GLS: variants seen among roughly 807,000 people sequenced by gnomAD.
The protein encoded by GLS is glutaminase kidney isoform, mitochondrial.
A neutral mutation model predicts 86.7 loss-of-function variants in GLS; 36 were observed. The observed-to-expected ratio is 0.42, with a 90% CI of 0.32 to 0.55. GLS has a LOEUF of 0.55. Ranked by LOEUF, GLS falls within the 20% of genes least tolerant of loss-of-function variation. GLS has a pLI of 0.17. For synonymous variants in GLS, 317 were observed against 305.9 expected (o/e 1.04, Z -0.38); for missense variants, 528 against 833.4 (o/e 0.63, Z 4.51).
chr2:190,884,023 T>C (rs1033692303), intron 1 of GLS, among the ~76,000 whole-genome samples: 3 of 152,240 alleles, frequency 2.0e-5, no homozygotes, highest in African/African-American at 7.2e-5. Context: ...ATAGAAAAAT[T>C]TAATGATCTT....
At chr2:190,917,553 T>C (rs1203119166) in intron 7 of GLS, among the ~76,000 whole-genome samples, 2 of 152,212 alleles carry the variant, frequency 1.3e-5, no homozygotes, top group African/African-American at 2.4e-5. Context: ...TTCCAGAAGA[T>C]TTTCAGTTTA....
intron 17 of GLS, among the ~76,000 whole-genome samples, chr2:190,961,197 C>T (rs1183897110): frequency 2.0e-5 from 3 of 152,096 alleles, no homozygotes; most frequent in Non-Finnish European, 4.4e-5. Context: ...AATAGGTTTG[C>T]ACAGAATTCG....
At chr2:190,925,736 G>A (rs1689874801) in intron 11 of GLS, among the ~76,000 whole-genome samples, 1 of 152,036 alleles carries the variant, frequency 6.6e-6, no homozygotes, top group African/African-American at 2.4e-5. Context: ...CTTTTCATCG[G>A]CCCAATGTGA....
At chr2:190,961,812 G>T (rs535823926) in intron 17 of GLS, among the ~76,000 whole-genome samples, 5 of 150,770 alleles carry the variant, frequency 3.3e-5, no homozygotes, top group Admixed American at 2.7e-4. Context: ...AAAACCTTTC[G>T]TTTCCATATT....
Position 190,930,382 on chromosome 2 carries a change from A to G in GLS, c.1426-55A>G. The G allele has an allele frequency of 7.4e-7, 1 of 1,347,318 alleles. No individual in the cohort carries two copies. Among genetic ancestry groups the G allele is most frequent in the Non-Finnish European group, 1.1e-6 (1 of 940,040 alleles). 83.5% of individuals were successfully genotyped at this position (1,347,318 alleles called of 1,614,324 possible). A position where few individuals can be genotyped will look rare whatever the true frequency, so the allele number is the denominator to read the frequency against. On this transcript the variant is annotated intron_variant, in intron 12 of 17. Coordinates refer to ENST00000320717, the MANE Select transcript of GLS (RefSeq NM_014905.5). This position sits in a 1 kb window ranked among gnomAD's most constrained non-coding sequence, Gnocchi z 5.0. ...CCCAGTTTCCCTATTGTTGAACATA[A>G]CATTTCTTATTTTAAAATGTTTACC... is the stretch of plus-strand genomic sequence containing the variant.
intron 7 of GLS, among the ~76,000 whole-genome samples, chr2:190,911,844 G>A (rs922247514): frequency 1.3e-5 from 2 of 152,048 alleles, no homozygotes; most frequent in African/African-American, 4.8e-5. Context: ...GCTGATCCAT[G>A]GGTCCTAGTT....
In GLS at chr2:190,942,998, A is replaced by G. The variant is rs115811321; in HGVS notation, c.1651-10567A>G. On this transcript the variant is annotated intron_variant, in intron 14 of 17. Transcript: ENST00000320717. ...AAAGTGGGAGAAAAAGAAAAGAGTG[A>G]TATCTAAATCTAAAGAAAGAAGCTT... Among the ~76,000 whole-genome samples the G allele has an allele frequency of 2.7e-3, 418 of 152,326 alleles. 1 individual carries two copies. Among genetic ancestry groups the G allele is most frequent in the Middle Eastern group, 0.01 (3 of 294 alleles).
intron 7 of GLS, among the ~76,000 whole-genome samples, chr2:190,912,158 G>A (rs1461800580): frequency 6.6e-6 from 1 of 152,052 alleles, no homozygotes; most frequent in Non-Finnish European, 1.5e-5. Context: ...TACAACATAA[G>A]TGTGGTTCAG....
At chr2:190,922,814 T>C (rs1457198213) in intron 9 of GLS, among the ~76,000 whole-genome samples, 2 of 152,190 alleles carry the variant, frequency 1.3e-5, no homozygotes. Flanking sequence ...TCCTCTAATA[T>C]CAGCAGCCCT....
intron 5 of GLS, among the ~76,000 whole-genome samples, chr2:190,904,072 A>T (rs938124578): frequency 3.3e-5 from 5 of 151,092 alleles, no homozygotes; most frequent in African/African-American, 1.2e-4. Flanking sequence ...TTGCTCTGTT[A>T]TTTATCTGCA....
At chr2:190,958,905 G>A (rs1230204086) in intron 17 of GLS, among the ~76,000 whole-genome samples, 2 of 152,144 alleles carry the variant, frequency 1.3e-5, no homozygotes, top group Non-Finnish European at 2.9e-5. Flanking sequence ...ATTGACTTGG[G>A]GTGGAGAGTT....
In GLS at chr2:190,964,198, T is replaced by A. The variant is rs1691068083; in HGVS notation, c.*1212T>A. On this transcript the variant is annotated 3_prime_UTR_variant, in exon 18 of 18. Transcript: ENST00000320717. The surrounding 1 kb of genome is among the most constrained non-coding windows in gnomAD (Gnocchi z 5.2). ...TTTGTCTTGGGTTGGTAATTCAGGA[T>A]TCATTTGGAAAGTGGGTAAAAGGGG... is the stretch of plus-strand genomic sequence containing the variant. 6.6e-6 allele frequency: 1 copy of A among 152,174 alleles called. No individual in the cohort carries two copies. Among genetic ancestry groups the A allele is most frequent in the Non-Finnish European group, 1.5e-5 (1 of 68,032 alleles). 9.4% of individuals were successfully genotyped at this position (152,174 alleles called of 1,614,324 possible).
At chr2:190,933,786 A>G in intron 14 of GLS, 2 of 694,490 alleles carry the variant, frequency 2.9e-6, no homozygotes, top group Non-Finnish European at 3.5e-6. Context: ...AAATGCTAAT[A>G]TTTCTTTTGT....
chr2:190,909,813 G>A (rs1049395335), intron 6 of GLS, among the ~76,000 whole-genome samples: 2 of 152,132 alleles, frequency 1.3e-5, no homozygotes, highest in African/African-American at 2.4e-5. Flanking sequence ...AGGCCAAGGC[G>A]GGAGGATTGC....
chr2:190,950,532 G>A (rs1275710596), intron 14 of GLS, among the ~76,000 whole-genome samples: 1 of 152,200 alleles, frequency 6.6e-6, no homozygotes, highest in Non-Finnish European at 1.5e-5. Flanking sequence ...CCCATGGTCT[G>A]TATGGTGAAT....
intron 5 of GLS, among the ~76,000 whole-genome samples, chr2:190,903,661 G>A (rs1053298098): frequency 6.6e-6 from 1 of 151,964 alleles, no homozygotes; most frequent in Non-Finnish European, 1.5e-5. Flanking sequence ...TTTTTATCTA[G>A]AGAATTCAGA....
intron 17 of GLS, among the ~76,000 whole-genome samples, chr2:190,957,985 C>A (rs1450535420): frequency 6.6e-6 from 1 of 152,172 alleles, no homozygotes; most frequent in Non-Finnish European, 1.5e-5. Context: ...AGGAATGGTA[C>A]CAGCTCCTCT....
rs1404126218 is a variant in GLS, at chr2:190,955,277, C to T, written c.1853+459C>T. 6.6e-6 allele frequency among the ~76,000 whole-genome samples: 1 copy of T among 152,150 alleles called. No individual in the cohort carries two copies. Among genetic ancestry groups the T allele is most frequent in the African/African-American group, 2.4e-5 (1 of 41,436 alleles). Reference sequence around the variant, plus strand: ...GTATTTCTTCTAATGCGATCCCTCCCTTACCCTGACCCCCAAACAGGCCCT... The same window carrying T: ...GTATTTCTTCTAATGCGATCCCTCCTTTACCCTGACCCCCAAACAGGCCCT... On this transcript the variant is annotated intron_variant, in intron 17 of 17. Transcript: ENST00000320717. This position sits in a 1 kb window ranked among gnomAD's most constrained non-coding sequence, Gnocchi z 5.6.
rs1283103290 is a variant in GLS, at chr2:190,905,543, TTCTA to T, written c.979+382_979+385del. On this transcript the variant is annotated intron_variant, in intron 6 of 17. Transcript: ENST00000320717. The surrounding 1 kb of genome is among the most constrained non-coding windows in gnomAD (Gnocchi z 4.6). The stretch of plus-strand genomic sequence containing the variant: ...TAGGTGCATGGGTGTTTGTATATTA[TTCTA>T]TCTATTATATTGTATATAGTAGTTG... Among the ~76,000 whole-genome samples the T allele has an allele frequency of 4.6e-5, 7 of 152,166 alleles. No individual in the cohort carries two copies. The highest frequency in any genetic ancestry group is 1.7e-4 in the African/African-American group (7 of 41,466).
Sources: allele counts gnomAD v4.1 joint callset (sites outside exome capture counted in the v4.1 genomes callset), GRCh38; gene constraint gnomAD v4.1.1; non-coding constraint Gnocchi (gnomAD v3.1); transcripts MANE v1.5; gene names NCBI Gene and HGNC (gene_info 2026-07-23, HGNC 2026-07-21).